Variants in TANGO6 observed in about 807,000 individuals in gnomAD.
TANGO6 encodes the protein transport and Golgi organization protein 6 homolog.
TANGO6 carries 90 observed loss-of-function variants against 114.2 expected under a neutral mutation model. The observed-to-expected ratio is 0.79, with a 90% CI of 0.66 to 0.94. TANGO6 has a LOEUF of 0.94. TANGO6 is among the 40% of genes least tolerant of loss of function. The pLI, the probability that TANGO6 is intolerant of heterozygous loss-of-function variation, is 0.00. For synonymous variants in TANGO6, 477 were observed against 509.8 expected (o/e 0.94, Z 0.87); for missense variants, 1,274 against 1,315.3 (o/e 0.97, Z 0.49).
rs190443589 is a variant in TANGO6, at chr16:68,914,305, G to A, written c.1993-4780G>A. On this transcript the variant is annotated intron_variant, in intron 11 of 17. Coordinates refer to ENST00000261778, the MANE Select transcript of TANGO6 (RefSeq NM_024562.2). Reference sequence around the variant, plus strand: ...GCCTCCAGAGTAGCTGGGATTACAGGTGCCTGCAACCATGCCCGGCTAATT... The same window carrying A: ...GCCTCCAGAGTAGCTGGGATTACAGATGCCTGCAACCATGCCCGGCTAATT... 1.8e-3 allele frequency among the ~76,000 whole-genome samples: 278 copies of A among 152,230 alleles called. 5 individuals carry two copies. The highest frequency in any genetic ancestry group is 0.015 in the Admixed American group (231 of 15,286).
chr16:68,882,371 C>A (rs1019767135), intron 7 of TANGO6, among the ~76,000 whole-genome samples: 4 of 152,042 alleles, frequency 2.6e-5, no homozygotes, highest in East Asian at 3.9e-4. Context: ...GTGGCAGGCA[C>A]CTGTAGTCCC....
chr16:69,083,095 C>CTTT (rs1201400628), intron 17 of TANGO6, among the ~76,000 whole-genome samples: 45 of 120,202 alleles, frequency 3.7e-4, no homozygotes, highest in Non-Finnish European at 5.2e-4. Flanking sequence ...GCATTATCTT[C>CTTT]TTTTTTTTTT....
chr16:68,860,575 T>C, intron 2 of TANGO6, 51 bp downstream of exon 2: 1 of 1,580,070 alleles, frequency 6.3e-7, no homozygotes, highest in South Asian at 1.1e-5. Flanking sequence ...TGTATGAATG[T>C]GTGTATATAT....
At chr16:68,900,349 A>C (rs1962765239) in intron 7 of TANGO6, 85 bp from the exon 8 acceptor site, 3 of 1,029,398 alleles carry the variant, frequency 2.9e-6, no homozygotes, top group Non-Finnish European at 4.5e-6. Context: ...TAAGACGCTG[A>C]GCCCTGCTAG....
At position 68,928,981 on chromosome 16, in the gene TANGO6, C is replaced by T. The variant is rs141128423; in HGVS notation, c.2643+898C>T. 4.1e-4 allele frequency among the ~76,000 whole-genome samples: 62 copies of T among 152,114 alleles called. No homozygotes were observed. In the East Asian group the frequency reaches 9.7e-3, roughly 24 times the overall value. On this transcript the variant is annotated intron_variant, in intron 13 of 17. Transcript: ENST00000261778. ...TCGCCCAGGCTGGAGTGCAGTGGTG[C>T]GATCTCAGCTCACTGCAATTTCCAC...
At chr16:68,948,433 G>T (rs1839038546) in intron 14 of TANGO6, among the ~76,000 whole-genome samples, 1 of 152,136 alleles carries the variant, frequency 6.6e-6, no homozygotes, top group African/African-American at 2.4e-5. Flanking sequence ...TAAGTAACTG[G>T]CCCACAGTGA....
chr16:68,981,887 T>TA (rs1260870397), intron 15 of TANGO6, among the ~76,000 whole-genome samples: 1 of 152,176 alleles, frequency 6.6e-6, no homozygotes, highest in Non-Finnish European at 1.5e-5. Flanking sequence ...CTCCAAACTC[T>TA]AAAAAAATTC....
At chr16:68,988,595 A>G (rs1963918282) in intron 15 of TANGO6, among the ~76,000 whole-genome samples, 1 of 152,006 alleles carries the variant, frequency 6.6e-6, no homozygotes. Flanking sequence ...CTAGAATGTT[A>G]ATGATCTTAG....
At position 68,907,551 on chromosome 16, in the gene TANGO6, A is replaced by C. The variant is rs1195531579; in HGVS notation, c.1776A>C (p.Gly592=). Residue 592 remains glycine, a synonymous_variant, in exon 10 of 18, where the codon GGA becomes GGC. Coordinates refer to ENST00000261778, the MANE Select transcript of TANGO6 (RefSeq NM_024562.2). ...ACTGCCAGGAATGCGGTTTGGCAGG[A>C]GACTTCTTCATCTTCTGTTTGAAAG... The part of the protein sequence containing the change: ...LSHCQECGLA[G]DFFIFCLKEL... The C allele has an allele frequency of 6.2e-7, 1 of 1,613,486 alleles. No individual in the cohort carries two copies. The highest frequency in any genetic ancestry group is 1.3e-5 in the African/African-American group (1 of 75,014).
chr16:68,951,659 C>G (rs1363167887), intron 14 of TANGO6, among the ~76,000 whole-genome samples: 1 of 148,090 alleles, frequency 6.8e-6, no homozygotes, highest in Non-Finnish European at 1.5e-5. Context: ...ATCGCCTAAG[C>G]TAGAGTGCAG....
In TANGO6 at chr16:68,867,234, T is replaced by A; in HGVS notation, c.994+14T>A. 6.2e-7 allele frequency: 1 copy of A among 1,613,554 alleles called. No homozygotes were observed. The highest frequency in any genetic ancestry group is 8.5e-7 in the Non-Finnish European group (1 of 1,179,756). ...AAGGAGCAGGTGGTAAGAAATAAAA[T>A]GTTGCTGTGACTTTGGTATCTGTTT... On this transcript the variant is annotated intron_variant, in intron 4 of 17. Coordinates refer to ENST00000261778, the MANE Select transcript of TANGO6 (RefSeq NM_024562.2).
In TANGO6 at chr16:69,040,416, A is replaced by G. The variant is rs1399117622; in HGVS notation, c.3103A>G (p.Thr1035Ala). The change falls in exon 17 of 18, where the codon ACT becomes GCT. Residue 1035 changes from threonine to alanine, a missense_variant. Physicochemically the swap from Thr to Ala is moderately conservative, Grantham distance 58. Coordinates refer to ENST00000261778, the MANE Select transcript of TANGO6 (RefSeq NM_024562.2). ...GCTTCGGGGACTCAGCCAGAAAGCT[A>G]CTGAGGTCAGTCCGTCTCTCGCCCT... ...LLLRGLSQKA[T>A]EVLSAVLKDL... 7 of 1,599,630 alleles carry G rather than the reference A, an allele frequency of 4.4e-6. No homozygotes were observed. Among genetic ancestry groups the G allele is most frequent in the Non-Finnish European group, 5.1e-6 (6 of 1,173,070 alleles).
chr16:68,987,358 G>C (rs1260364119), intron 15 of TANGO6, among the ~76,000 whole-genome samples: 1 of 152,092 alleles, frequency 6.6e-6, no homozygotes, highest in Admixed American at 6.6e-5. Flanking sequence ...TGCTGTTGTT[G>C]TTGCTGTTGT....
At chr16:69,015,670 A>G (rs1457754280) in intron 15 of TANGO6, among the ~76,000 whole-genome samples, 2 of 151,368 alleles carry the variant, frequency 1.3e-5, no homozygotes, top group Non-Finnish European at 2.9e-5. Context: ...TTTAATAGAG[A>G]CCGGGTTTCG....
At chr16:69,014,494 C>T (rs1291846070) in intron 15 of TANGO6, among the ~76,000 whole-genome samples, 2 of 152,032 alleles carry the variant, frequency 1.3e-5, no homozygotes, top group South Asian at 2.1e-4. Context: ...GGAGGGATGG[C>T]GACAGGTGGA....
chr16:69,051,741 G>A (rs1398541704), intron 17 of TANGO6, among the ~76,000 whole-genome samples: 2 of 152,112 alleles, frequency 1.3e-5, no homozygotes, highest in Non-Finnish European at 2.9e-5. Flanking sequence ...AGCTACTCAG[G>A]AGGCTGAGGC....
chr16:68,860,575 T>G lies in TANGO6; in HGVS notation c.735+51T>G. The G allele has an allele frequency of 2.5e-6, 4 of 1,580,070 alleles. No individual in the cohort carries two copies. The South Asian group carries it at 4.5e-5, about 18-fold the overall frequency. On this transcript the variant is annotated intron_variant, in intron 2 of 17. Transcript: ENST00000261778. The stretch of plus-strand genomic sequence containing the variant: ...GGGAGAGATTGTGTGTGTATGAATG[T>G]GTGTATATATTTGTGGATAGTTGTT...
rs534773422 is a variant in TANGO6, at chr16:69,048,341, A to G, written c.3108+7920A>G. Among the ~76,000 whole-genome samples, 41 of 147,514 alleles carry G rather than the reference A, an allele frequency of 2.8e-4. 1 individual carries two copies. The Middle Eastern group carries it at 0.011, about 39-fold the overall frequency. On this transcript the variant is annotated intron_variant, in intron 17 of 17. Transcript: ENST00000261778. ...GGTCTCAAACTCCTGACCTCAAGCA[A>G]TTTGCCCACCTCTGCCTTTCAAAGT...
chr16:68,947,652 C>T (rs1241416467), intron 14 of TANGO6, among the ~76,000 whole-genome samples: 3 of 136,082 alleles, frequency 2.2e-5, no homozygotes, highest in Admixed American at 8.1e-5. Flanking sequence ...AGTGCAGTGG[C>T]GTGATCACAG....
Sources: gnomAD v4.1 joint callset for allele counts (sites outside exome capture counted in the v4.1 genomes callset) on GRCh38, gnomAD v4.1.1 for gene constraint, MANE v1.5 for transcripts, NCBI Gene and HGNC (gene_info 2026-07-23, HGNC 2026-07-21) for gene names.